The following CLEC16A variants were observed in gnomAD, a reference collection of about 807,000 sequenced individuals.
CLEC16A encodes protein CLEC16A.
A neutral mutation model predicts 109.5 loss-of-function variants in CLEC16A; 51 were observed. That is an observed-to-expected ratio of 0.47 (90% CI 0.37 to 0.59). The LOEUF (loss-of-function observed/expected upper bound fraction) is 0.59, where lower values mean the gene tolerates loss of function less well. Ranked by LOEUF, CLEC16A falls within the 20% of genes least tolerant of loss-of-function variation. CLEC16A has a pLI of 0.00. For missense variants in CLEC16A, 1,339 were observed against 1,394.0 expected (o/e 0.96, Z 0.63); for synonymous variants, 673 against 564.2 (o/e 1.19, Z -2.73).
At chr16:11,018,290 A>G (rs1295163680) in intron 11 of CLEC16A, among the ~76,000 whole-genome samples, 1 of 68,754 alleles carries the variant, frequency 1.5e-5, no homozygotes, top group Non-Finnish European at 3.1e-5. Context: ...CTCAAAAAAG[A>G]AAAAAAAAAA....
intron 23 of CLEC16A, among the ~76,000 whole-genome samples, chr16:11,176,703 A>C (rs964012237): frequency 2.0e-5 from 3 of 152,180 alleles, no homozygotes; most frequent in Non-Finnish European, 4.4e-5. Context: ...ATGCCACTGC[A>C]CTCCAGCCTG....
At chr16:10,963,272 C>A (rs1278681166) in intron 3 of CLEC16A, among the ~76,000 whole-genome samples, 5 of 152,124 alleles carry the variant, frequency 3.3e-5, no homozygotes, top group African/African-American at 1.2e-4. Context: ...ACCCTTATGA[C>A]CTCATTAACC....
chr16:11,137,266 A>G (rs2153059890), intron 22 of CLEC16A, among the ~76,000 whole-genome samples: 1 of 152,270 alleles, frequency 6.6e-6, no homozygotes, highest in Non-Finnish European at 1.5e-5. Context: ...AGGAGATGCC[A>G]AGGTGTGAAG....
intron 19 of CLEC16A, among the ~76,000 whole-genome samples, chr16:11,104,994 A>G (rs2051132349): frequency 6.6e-6 from 1 of 152,190 alleles, no homozygotes; most frequent in Admixed American, 6.5e-5. Flanking sequence ...CCTAGATTCC[A>G]TGTGACTTTA....
At chr16:11,068,740 A>G (rs998383961) in intron 19 of CLEC16A, among the ~76,000 whole-genome samples, 10 of 152,214 alleles carry the variant, frequency 6.6e-5, no homozygotes, top group Admixed American at 3.3e-4. Context: ...AGTCAGCCCT[A>G]TGTGTCCTCA....
chr16:10,949,480 G>C (rs1463791413), intron 1 of CLEC16A, among the ~76,000 whole-genome samples: 1 of 152,040 alleles, frequency 6.6e-6, no homozygotes, highest in Non-Finnish European at 1.5e-5. Flanking sequence ...AGAGGAAAAG[G>C]CATTTGAGAA....
chr16:11,118,770 G>C (rs759260740), intron 19 of CLEC16A, among the ~76,000 whole-genome samples: 4 of 152,132 alleles, frequency 2.6e-5, no homozygotes, highest in Non-Finnish European at 4.4e-5. Context: ...ATAGTTCTGG[G>C]TCTTACATTT....
intron 11 of CLEC16A, among the ~76,000 whole-genome samples, chr16:11,014,002 T>G (rs1053297068): frequency 5.3e-5 from 8 of 152,172 alleles, no homozygotes; most frequent in African/African-American, 1.9e-4. Flanking sequence ...CAGTTTAGGC[T>G]TCTTCTTTCT....
chr16:10,964,754 A>C lies in CLEC16A; in HGVS notation c.343+2166A>C, dbSNP rs115423459. 2.5e-3 allele frequency among the ~76,000 whole-genome samples: 380 copies of C among 152,300 alleles called. 3 individuals are homozygous for C. Among genetic ancestry groups the C allele is most frequent in the African/African-American group, 8.6e-3 (357 of 41,558 alleles). On this transcript the variant is annotated intron_variant, in intron 3 of 23. Transcript: ENST00000409790. The stretch of plus-strand genomic sequence containing the variant: ...TATGTGGCTTTTAAAAATTGTATAT[A>C]TTTAATGTGTACAACTTGATTTAAT...
At chr16:10,967,141 G>A (rs1456454338) in intron 3 of CLEC16A, among the ~76,000 whole-genome samples, 3 of 152,142 alleles carry the variant, frequency 2.0e-5, no homozygotes, top group Admixed American at 6.5e-5. Flanking sequence ...GTGCACAGTG[G>A]CTTTTCTGAA....
chr16:11,127,557 AT>A (rs568320207), intron 22 of CLEC16A, among the ~76,000 whole-genome samples: 1 of 152,202 alleles, frequency 6.6e-6, no homozygotes. Context: ...ACAGCTTGTG[AT>A]TGGTTTCTTT....
intron 23 of CLEC16A, among the ~76,000 whole-genome samples, chr16:11,169,219 G>A (rs753579023): frequency 2.6e-5 from 4 of 152,166 alleles, no homozygotes; most frequent in Admixed American, 6.5e-5. Flanking sequence ...TGTAGAGAGC[G>A]GCTGCCAGAC....
At chr16:11,172,339 C>T (rs1176559669) in intron 23 of CLEC16A, among the ~76,000 whole-genome samples, 1 of 152,222 alleles carries the variant, frequency 6.6e-6, no homozygotes, top group Non-Finnish European at 1.5e-5. Context: ...TACACACACA[C>T]ACTCTGAGTG....
At chr16:11,107,919 C>G (rs949171601) in intron 19 of CLEC16A, among the ~76,000 whole-genome samples, 2 of 152,216 alleles carry the variant, frequency 1.3e-5, no homozygotes, top group Admixed American at 6.5e-5. Context: ...GGCTTCCTCT[C>G]CCCTCCACCC....
At chr16:11,128,508 G>C (rs1166059446) in intron 22 of CLEC16A, among the ~76,000 whole-genome samples, 1 of 152,230 alleles carries the variant, frequency 6.6e-6, no homozygotes, top group Non-Finnish European at 1.5e-5. Context: ...TCCACCCCTT[G>C]GCTGTGTCTC....
intron 15 of CLEC16A, 145 bp from the exon 16 acceptor site, chr16:11,043,883 G>GA (rs35371708): frequency 0.081 from 34,994 of 431,562 alleles, 5 homozygotes; most frequent in East Asian, 0.14. Flanking sequence ...CAAGAAAAGG[G>GA]AAAAAAAAAA....
In CLEC16A at chr16:10,954,703, C is replaced by T. The variant is rs1333913749; in HGVS notation, c.81-3079C>T. The stretch of plus-strand genomic sequence containing the variant: ...GATTAACCCTATGTTCTAATTATAC[C>T]AGTGTTTGTAATTAACCATATACTC... On this transcript the variant is annotated intron_variant, in intron 1 of 23. Transcript: ENST00000409790. This position sits in a 1 kb window ranked among gnomAD's most constrained non-coding sequence, Gnocchi z 4.2. Among the ~76,000 whole-genome samples, 1 of 152,104 alleles carries T rather than the reference C, an allele frequency of 6.6e-6. No homozygotes were observed. Among genetic ancestry groups the T allele is most frequent in the Non-Finnish European group, 1.5e-5 (1 of 68,016 alleles).
intron 10 of CLEC16A, among the ~76,000 whole-genome samples, chr16:10,995,184 G>T (rs959881458): frequency 1.3e-5 from 2 of 152,382 alleles, no homozygotes; most frequent in African/African-American, 4.8e-5. Context: ...TAACAAGAGT[G>T]TGCCATCTCT....
chr16:11,083,688 A>G (rs568062678), intron 19 of CLEC16A, among the ~76,000 whole-genome samples: 1 of 152,234 alleles, frequency 6.6e-6, no homozygotes, highest in Non-Finnish European at 1.5e-5. Flanking sequence ...GATTTGGGCT[A>G]AAGGAGCCCA....
Sources: allele counts gnomAD v4.1 joint callset (sites outside exome capture counted in the v4.1 genomes callset), GRCh38; gene constraint gnomAD v4.1.1; non-coding constraint Gnocchi (gnomAD v3.1); transcripts MANE v1.5; gene names NCBI Gene and HGNC (gene_info 2026-07-23, HGNC 2026-07-21).